The following CFAP58 variants were observed in gnomAD, a reference collection of about 807,000 sequenced individuals.
The protein encoded by CFAP58 is cilia and flagella associated protein 58.
CFAP58 carries 88 observed loss-of-function variants against 119.5 expected under a neutral mutation model. The observed-to-expected ratio is 0.74, with a 90% CI of 0.62 to 0.88. The LOEUF (loss-of-function observed/expected upper bound fraction) is 0.88. Among genes scored for constraint, CFAP58 ranks in the 40% least tolerant of loss-of-function variants. The pLI, the probability that CFAP58 is intolerant of heterozygous loss-of-function variation, is 0.00. For missense variants in CFAP58, 990 were observed against 1,021.2 expected (o/e 0.97, Z 0.42); for synonymous variants, 365 against 366.3 (o/e 1.00, Z 0.04).
intron 7 of CFAP58, among the ~76,000 whole-genome samples, chr10:104,374,352 G>C (rs999158816): frequency 2.0e-5 from 3 of 147,816 alleles, no homozygotes; most frequent in Non-Finnish European, 4.5e-5. Context: ...ACACACGCCT[G>C]TAGTCCCAAC....
chr10:104,411,782 AGAGCCCAGGAGAGATAGTTAG>A (rs2012465133), intron 15 of CFAP58, among the ~76,000 whole-genome samples: 1 of 151,868 alleles, frequency 6.6e-6, no homozygotes, highest in Non-Finnish European at 1.5e-5. Context: ...TCCCCCACCC[AGAGCCCAGGAGAGATAGTTAG>A]GTTTCCTTGT....
chr10:104,368,909 C>T (rs569814651), intron 6 of CFAP58, among the ~76,000 whole-genome samples: 2 of 152,138 alleles, frequency 1.3e-5, no homozygotes, highest in Non-Finnish European at 2.9e-5. Flanking sequence ...ATAGTTACTG[C>T]TTGTTGGAGA....
At chr10:104,358,745 T>C (rs1323024345) in intron 2 of CFAP58, 123 bp downstream of exon 2, 3 of 836,196 alleles carry the variant, frequency 3.6e-6, no homozygotes, top group African/African-American at 3.4e-5. Context: ...TTTATATTCA[T>C]TAAGCCTAAG....
intron 15 of CFAP58, among the ~76,000 whole-genome samples, chr10:104,447,330 G>A: frequency 6.6e-6 from 1 of 151,812 alleles, no homozygotes; most frequent in South Asian, 2.1e-4. Context: ...TATATTTCTT[G>A]AAAAACTCTC....
At chr10:104,428,398 G>A (rs566798619) in intron 15 of CFAP58, among the ~76,000 whole-genome samples, 1 of 152,256 alleles carries the variant, frequency 6.6e-6, no homozygotes, top group East Asian at 1.9e-4. Flanking sequence ...ATTTGACTAT[G>A]AAACATTGGA....
upstream of CFAP58, among the ~76,000 whole-genome samples, chr10:104,350,464 T>C (rs2014447150): frequency 6.6e-6 from 1 of 152,188 alleles, no homozygotes; most frequent in Non-Finnish European, 1.5e-5. Flanking sequence ...TCAGCATAAA[T>C]TGATATGTCC....
chr10:104,360,339 T>C (rs536923273), intron 2 of CFAP58, among the ~76,000 whole-genome samples: 1 of 152,102 alleles, frequency 6.6e-6, no homozygotes, highest in South Asian at 2.1e-4. Context: ...CTGCAGGCTG[T>C]CCAGGAAGCA....
chr10:104,342,924 G>A, the CFAP58 span, among the ~76,000 whole-genome samples: 7 of 150,830 alleles, frequency 4.6e-5, no homozygotes, highest in African/African-American at 1.5e-4. Flanking sequence ...CACATCTCAC[G>A]GTTAGGAGCA....
At chr10:104,438,381 T>C (rs1415937230) in intron 15 of CFAP58, among the ~76,000 whole-genome samples, 2 of 113,722 alleles carry the variant, frequency 1.8e-5, no homozygotes, top group African/African-American at 7.8e-5. Context: ...TTTGTTTTTT[T>C]TTTTTGAGAC....
At chr10:104,398,025 A>C (rs1295182537) in intron 11 of CFAP58, among the ~76,000 whole-genome samples, 1 of 152,176 alleles carries the variant, frequency 6.6e-6, no homozygotes, top group Non-Finnish European at 1.5e-5. Context: ...GGTACTTTAT[A>C]GTTTGCATGC....
chr10:104,347,807 C>A, the CFAP58 span, among the ~76,000 whole-genome samples: 1 of 152,032 alleles, frequency 6.6e-6, no homozygotes. Flanking sequence ...GTTGCTGGGT[C>A]TCTCAAGGGA....
intron 15 of CFAP58, among the ~76,000 whole-genome samples, chr10:104,445,548 G>A (rs1003381445): frequency 1.3e-5 from 2 of 152,150 alleles, no homozygotes; most frequent in Admixed American, 6.5e-5. Flanking sequence ...ACTCTCTAAT[G>A]TGGCTTTGAA....
intron 9 of CFAP58, among the ~76,000 whole-genome samples, chr10:104,382,757 T>A (rs905642477): frequency 3.3e-5 from 5 of 152,174 alleles, no homozygotes; most frequent in African/African-American, 1.2e-4. Context: ...TCCTGGTGAC[T>A]TGTGAAGAAG....
intron 17 of CFAP58, among the ~76,000 whole-genome samples, chr10:104,451,230 A>G (rs1341167593): frequency 1.3e-5 from 2 of 152,196 alleles, no homozygotes; most frequent in Non-Finnish European, 2.9e-5. Flanking sequence ...ATATGGCTTG[A>G]GTGCATTTGC....
chr10:104,376,724 A>T, intron 7 of CFAP58, 87 bp from the exon 8 acceptor site: 1 of 983,292 alleles, frequency 1.0e-6, no homozygotes, highest in Non-Finnish European at 1.6e-6. Context: ...ACAAACATGT[A>T]AAGCAGTTTT....
chr10:104,396,335 C>T (rs960235884), intron 11 of CFAP58, among the ~76,000 whole-genome samples: 2 of 143,470 alleles, frequency 1.4e-5, no homozygotes, highest in African/African-American at 5.1e-5. Flanking sequence ...TCAGTGGACT[C>T]TGTAGCCTGC....
chr10:104,412,741 C>T (rs900114660), intron 15 of CFAP58, among the ~76,000 whole-genome samples: 2 of 152,144 alleles, frequency 1.3e-5, no homozygotes, highest in Non-Finnish European at 1.5e-5. Context: ...TATGTTCAAG[C>T]CCCACTCGCC....
chr10:104,433,160 C>T (rs1015465853), intron 15 of CFAP58, among the ~76,000 whole-genome samples: 1 of 152,164 alleles, frequency 6.6e-6, no homozygotes, highest in Non-Finnish European at 1.5e-5. Context: ...GTGGTAAAAT[C>T]ATAGCTCACT....
At chr10:104,439,704 T>TAACAACAACAACAACAACAACAACAAC (rs60040374) in intron 15 of CFAP58, among the ~76,000 whole-genome samples, 2 of 151,176 alleles carry the variant, frequency 1.3e-5, no homozygotes, top group African/African-American at 2.4e-5. Flanking sequence ...GACTCTGTCT[T>TAACAACAACAACAACAACAACAACAAC]AACAACAACA....
Sources: gnomAD v4.1 joint callset for allele counts (sites outside exome capture counted in the v4.1 genomes callset) on GRCh38, gnomAD v4.1.1 for gene constraint, MANE v1.5 for transcripts, NCBI Gene and HGNC (gene_info 2026-07-23, HGNC 2026-07-21) for gene names.